The following DEK variants were observed in gnomAD, a reference collection of about 807,000 sequenced individuals.
DEK encodes protein DEK.
DEK carries 28 observed loss-of-function variants against 46.8 expected under a neutral mutation model. The ratio of observed to expected loss-of-function variants is 0.60; its 90% CI spans 0.44 to 0.82. The LOEUF (loss-of-function observed/expected upper bound fraction) is 0.82, where lower values mean the gene tolerates loss of function less well. Ranked by LOEUF, DEK falls within the 40% of genes least tolerant of loss-of-function variation. The probability of loss-of-function intolerance (pLI) is 0.00; values close to 1 mark genes in which losing one functional copy is unlikely to be tolerated. For missense variants in DEK, 416 were observed against 430.6 expected (o/e 0.97, Z 0.30); for synonymous variants, 160 against 144.5 (o/e 1.11, Z -0.77).
intron 8 of DEK, chr6:18,237,175 GTCTC>G (rs146262627): frequency 2.3e-6 from 1 of 439,588 alleles, no homozygotes; most frequent in Non-Finnish European, 3.8e-6. Context: ...CTCTCTCTCT[GTCTC>G]TCTCTCTATA....
intron 9 of DEK, among the ~76,000 whole-genome samples, chr6:18,227,088 C>T (rs1440253363): frequency 6.6e-6 from 1 of 152,148 alleles, no homozygotes; most frequent in Non-Finnish European, 1.5e-5. Flanking sequence ...AAGGTTTCTC[C>T]CCATGTCATA....
chr6:18,247,614 C>G (rs1276929470), intron 7 of DEK, among the ~76,000 whole-genome samples: 3 of 151,976 alleles, frequency 2.0e-5, no homozygotes, highest in African/African-American at 4.8e-5. Flanking sequence ...GTTCAACTAC[C>G]TCTACAGAAC....
intron 2 of DEK, 29 bp downstream of exon 2, chr6:18,263,814 T>C (rs1791980185): frequency 1.2e-6 from 2 of 1,610,682 alleles, no homozygotes; most frequent in South Asian, 1.1e-5. Flanking sequence ...GTCTGAAAAA[T>C]TCATCAGTTG....
chr6:18,236,110 C>T (rs1227969899), intron 9 of DEK, among the ~76,000 whole-genome samples: 1 of 152,138 alleles, frequency 6.6e-6, no homozygotes, highest in Non-Finnish European at 1.5e-5. Context: ...TAAGACGGTT[C>T]ATGAGATTCT....
At chr6:18,251,501 G>A (rs141314041) in intron 6 of DEK, among the ~76,000 whole-genome samples, 4 of 152,214 alleles carry the variant, frequency 2.6e-5, no homozygotes, top group Non-Finnish European at 4.4e-5. Flanking sequence ...CCCTTCTAAA[G>A]GCACACTAGG....
chr6:18,260,042 T>C (rs1045487755), intron 2 of DEK, among the ~76,000 whole-genome samples: 1 of 152,206 alleles, frequency 6.6e-6, no homozygotes, highest in Non-Finnish European at 1.5e-5. Flanking sequence ...CTGAGATTCA[T>C]ATTAACTAAT....
At chr6:18,261,054 G>A (rs1791840061) in intron 2 of DEK, among the ~76,000 whole-genome samples, 1 of 151,858 alleles carries the variant, frequency 6.6e-6, no homozygotes, top group South Asian at 2.1e-4. Context: ...GAAATGGGGG[G>A]TGGACCCCTA....
At chr6:18,238,146 G>A (rs573381621) in intron 7 of DEK, among the ~76,000 whole-genome samples, 1 of 152,084 alleles carries the variant, frequency 6.6e-6, no homozygotes, top group South Asian at 2.1e-4. Flanking sequence ...TGGGATTACA[G>A]GCATGAGCCA....
intron 9 of DEK, among the ~76,000 whole-genome samples, chr6:18,231,529 G>A (rs1790414032): frequency 6.6e-6 from 1 of 151,884 alleles, no homozygotes; most frequent in Non-Finnish European, 1.5e-5. Context: ...AATGATAAAG[G>A]GGATATCACC....
rs1790046634 is a variant in DEK at position 18,225,019 on chromosome 6, C to A, written c.*700G>T. Reference sequence around the variant, plus strand: ...TTCACTGTTCCATCATACTGTTTGGCTGAACACTGACATTCCATAGTCTAC... The same window carrying A: ...TTCACTGTTCCATCATACTGTTTGGATGAACACTGACATTCCATAGTCTAC... On this transcript the variant is annotated 3_prime_UTR_variant, in exon 11 of 11. Coordinates refer to ENST00000652689, the MANE Select transcript of DEK (RefSeq NM_003472.4). 4.6e-6 allele frequency: 1 copy of A among 217,198 alleles called. No individual in the cohort carries two copies. Among genetic ancestry groups the A allele is most frequent in the East Asian group, 6.8e-5 (1 of 14,602 alleles). The allele number at this position is 217,198 out of a possible 1,614,324, so 13.5% of individuals were successfully genotyped here. A position where few individuals can be genotyped will look rare whatever the true frequency, so the allele number is the denominator to read the frequency against.
intron 9 of DEK, among the ~76,000 whole-genome samples, chr6:18,227,830 A>C (rs141001340): frequency 6.6e-6 from 1 of 152,072 alleles, no homozygotes; most frequent in African/African-American, 2.4e-5. Context: ...TTTAGGGAAA[A>C]CTTCTTTCTT....
chr6:18,256,591 A>C (rs1198722017), intron 4 of DEK, 136 bp from the exon 5 acceptor site: 10 of 579,060 alleles, frequency 1.7e-5, no homozygotes, highest in Non-Finnish European at 3.0e-5. Flanking sequence ...ACAGTCAACC[A>C]ATTCAATATG....
chr6:18,229,378 G>A lies in DEK; in HGVS notation c.1048-3136C>T, dbSNP rs545629146. Among the ~76,000 whole-genome samples, 7 of 152,210 alleles carry A rather than the reference G, an allele frequency of 4.6e-5. No individual in the cohort carries two copies. In the South Asian group the frequency reaches 6.2e-4, roughly 14 times the overall value. On this transcript the variant is annotated intron_variant, in intron 9 of 10. Coordinates refer to ENST00000652689, the MANE Select transcript of DEK (RefSeq NM_003472.4). ...CGCCAGCAATGGAACAAAGCTGGACGGAGAATGACTTTGATGAGTTGAGAG... is the reference window on the plus strand; with the variant it reads ...CGCCAGCAATGGAACAAAGCTGGACAGAGAATGACTTTGATGAGTTGAGAG...
At chr6:18,255,556 T>C (rs1791561941) in intron 6 of DEK, among the ~76,000 whole-genome samples, 175 bp downstream of exon 6, 1 of 152,248 alleles carries the variant, frequency 6.6e-6, no homozygotes, top group Non-Finnish European at 1.5e-5. Flanking sequence ...CATACCCCTA[T>C]GGCATCTATA....
intron 1 of DEK, 41 bp from the exon 2 acceptor site, chr6:18,264,037 T>C (rs762020259): frequency 1.6e-5 from 24 of 1,545,590 alleles, no homozygotes; most frequent in Admixed American, 6.1e-5. Flanking sequence ...GTCCTCCTAC[T>C]CCCGCAGGCA....
intron 6 of DEK, among the ~76,000 whole-genome samples, chr6:18,255,026 C>A (rs1791543503): frequency 6.6e-6 from 1 of 152,188 alleles, no homozygotes; most frequent in Non-Finnish European, 1.5e-5. Context: ...AGATCTCTCA[C>A]ACTTCCTTTC....
intron 7 of DEK, among the ~76,000 whole-genome samples, chr6:18,244,195 A>T (rs554732053): frequency 6.6e-6 from 1 of 152,274 alleles, no homozygotes; most frequent in Admixed American, 6.5e-5. Flanking sequence ...ATAAAGAAAA[A>T]GCTGATTTCC....
intron 10 of DEK, chr6:18,225,937 C>G: frequency 1.4e-6 from 1 of 692,650 alleles, no homozygotes; most frequent in Non-Finnish European, 2.3e-6. Flanking sequence ...CCCAGCTACC[C>G]AGGTACACCA....
chr6:18,231,666 G>T (rs1790418737), intron 9 of DEK, among the ~76,000 whole-genome samples: 1 of 152,154 alleles, frequency 6.6e-6, no homozygotes, highest in Non-Finnish European at 1.5e-5. Context: ...ACTAAACCAG[G>T]AAGAAGTTGA....
Sources: gnomAD v4.1 joint callset for allele counts (sites outside exome capture counted in the v4.1 genomes callset) on GRCh38, gnomAD v4.1.1 for gene constraint, MANE v1.5 for transcripts, NCBI Gene and HGNC (gene_info 2026-07-23, HGNC 2026-07-21) for gene names.